The following ZDHHC5 variants were observed in gnomAD, a reference collection of about 807,000 sequenced individuals.
The protein encoded by ZDHHC5 is palmitoyltransferase ZDHHC5.
Under a neutral mutation model 70.0 loss-of-function variants are expected in ZDHHC5, and 22 were observed. The ratio of observed to expected loss-of-function variants is 0.31; its 90% confidence interval spans 0.22 to 0.45. The LOEUF (loss-of-function observed/expected upper bound fraction) is 0.45. ZDHHC5 is among the 20% of genes least tolerant of loss of function. The pLI, the probability that ZDHHC5 is intolerant of heterozygous loss-of-function variation, is 1.00. For synonymous variants in ZDHHC5, 313 were observed against 347.8 expected, an observed-to-expected ratio of 0.90 and a Z score of 1.11; for missense variants, 746 against 926.9, an observed-to-expected ratio of 0.80 and a Z score of 2.53.
chr11:57,692,737 G>T, intron 7 of ZDHHC5, 35 bp downstream of exon 7: 1 of 1,609,184 alleles, frequency 6.2e-7, no homozygotes, highest in Non-Finnish European at 8.5e-7. Flanking sequence ...GTTTACCATT[G>T]GTCAGAACTT....
At chr11:57,684,282 A>G (rs1946184013) in intron 3 of ZDHHC5, among the ~76,000 whole-genome samples, 2 of 152,060 alleles carry the variant, frequency 1.3e-5, no homozygotes, top group Admixed American at 1.3e-4. Context: ...GCCCAAAATT[A>G]CTCTTTTAAG....
chr11:57,668,521 C>T (rs1945955678), intron 1 of ZDHHC5: 3 of 152,396 alleles, frequency 2.0e-5, no homozygotes, highest in Admixed American at 2.0e-4. Context: ...GCAGCCCGCT[C>T]TCTCAACCTC....
chr11:57,679,146 TTTTA>T (rs1946113890), intron 2 of ZDHHC5, among the ~76,000 whole-genome samples: 1 of 152,090 alleles, frequency 6.6e-6, no homozygotes, highest in Non-Finnish European at 1.5e-5. Flanking sequence ...TTTTATTTAT[TTTTA>T]TTTTTTATTT....
At chr11:57,676,373 T>C (rs746058935) in intron 2 of ZDHHC5, among the ~76,000 whole-genome samples, 2 of 152,212 alleles carry the variant, frequency 1.3e-5, no homozygotes, top group Non-Finnish European at 2.9e-5. Flanking sequence ...GGAGAGTGTC[T>C]GCTGAAGTAA....
intron 3 of ZDHHC5, among the ~76,000 whole-genome samples, chr11:57,683,569 C>T (rs1455962872): frequency 6.6e-6 from 1 of 152,134 alleles, no homozygotes; most frequent in East Asian, 1.9e-4. Flanking sequence ...GGAGGGAAGA[C>T]AGAAAATAAA....
At chr11:57,686,997 A>G (rs1946216029) in intron 3 of ZDHHC5, among the ~76,000 whole-genome samples, 1 of 151,774 alleles carries the variant, frequency 6.6e-6, no homozygotes. Context: ...CCCCTGGTTA[A>G]TTTTTATATT....
chr11:57,692,504 C>T (rs1334784752), intron 6 of ZDHHC5, 107 bp from the exon 7 acceptor site: 1 of 872,730 alleles, frequency 1.1e-6, no homozygotes, highest in Non-Finnish European at 1.8e-6. Flanking sequence ...TACTCATTTG[C>T]ATAGCCCTCA....
chr11:57,677,606 A>G (rs1353651722), intron 2 of ZDHHC5, among the ~76,000 whole-genome samples: 1 of 152,082 alleles, frequency 6.6e-6, no homozygotes, highest in Non-Finnish European at 1.5e-5. Context: ...GATCTAAGGG[A>G]AGGATAAAGT....
intron 6 of ZDHHC5, 22 bp downstream of exon 6, chr11:57,690,459 G>T: frequency 6.2e-7 from 1 of 1,612,596 alleles, no homozygotes; most frequent in Non-Finnish European, 8.5e-7. Context: ...AGTGACGAGA[G>T]ACCCCTGAAG....
Position 57,672,902 on chromosome 11 carries a change from C to T in ZDHHC5, c.-189C>T. On this transcript the variant is annotated 5_prime_UTR_variant, in exon 2 of 12. Transcript: ENST00000287169. ...GAATCACCTTTCCCCCTCCCATGTG[C>T]TTTCCTTCATTTGAGATCTTTTGAC... 4.5e-6 allele frequency: 2 copies of T among 446,612 alleles called. No homozygotes were observed. The highest frequency in any genetic ancestry group is 2.3e-5 in the South Asian group (1 of 44,050). 27.7% of individuals were successfully genotyped at this position (446,612 alleles called of 1,614,324 possible).
Position 57,687,756 on chromosome 11 carries a change from G to GTTTTTTTTTTT in ZDHHC5, c.227-736_227-726dup, listed in dbSNP as rs746146074. ...GAGTAGGGGAAGACATTTTGGGAAA[G>GTTTTTTTTTTT]TTTTTTTTTTTTTTTTTTTTTTTTT... On this transcript the variant is annotated intron_variant, in intron 3 of 11. Coordinates refer to ENST00000287169, the MANE Select transcript of ZDHHC5 (RefSeq NM_015457.3). Among the ~76,000 whole-genome samples, 22 of 75,290 alleles carry GTTTTTTTTTTT rather than the reference G, an allele frequency of 2.9e-4. 1 individual carries two copies. The highest frequency in any genetic ancestry group is 7.3e-4 in the African/African-American group (14 of 19,088). The allele number at this position is 75,290 out of a possible 152,430, so 49.4% of individuals were successfully genotyped here.
At chr11:57,676,712 G>T (rs535541116) in intron 2 of ZDHHC5, among the ~76,000 whole-genome samples, 1 of 151,754 alleles carries the variant, frequency 6.6e-6, no homozygotes, top group South Asian at 2.1e-4. Flanking sequence ...GCATATAGAG[G>T]CCCAGCCCCT....
chr11:57,688,763 G>T (rs1946244041), intron 4 of ZDHHC5, 98 bp downstream of exon 4: 2 of 1,344,756 alleles, frequency 1.5e-6, no homozygotes, highest in Non-Finnish European at 2.0e-6. Context: ...GTATAGTCCT[G>T]TCTAACTACG....
chr11:57,678,158 T>C (rs954975559), intron 2 of ZDHHC5, among the ~76,000 whole-genome samples: 8 of 152,188 alleles, frequency 5.3e-5, no homozygotes, highest in Admixed American at 5.2e-4. Context: ...GAGCTTAGTG[T>C]CTCTGTTTTA....
chr11:57,677,134 G>T (rs1457869891), intron 2 of ZDHHC5, among the ~76,000 whole-genome samples: 1 of 151,216 alleles, frequency 6.6e-6, no homozygotes, highest in Non-Finnish European at 1.5e-5. Flanking sequence ...TGTTAGCCAG[G>T]ATGGTCGTGA....
In ZDHHC5 at chr11:57,698,712, C is replaced by T. The variant is rs767969934; in HGVS notation, c.1276C>T (p.Arg426Cys). 62 of 1,614,116 alleles carry T rather than the reference C, an allele frequency of 3.8e-5. 1 individual carries two copies. The East Asian group carries it at 1.1e-3, about 28-fold the overall frequency. Reference sequence around the variant, plus strand: ...CTTCGATCCACTATCCAGTGGCTCACGCTCCTCCAGCCTCAAGTCAGCCCA... The same window carrying T: ...CTTCGATCCACTATCCAGTGGCTCATGCTCCTCCAGCCTCAAGTCAGCCCA... ...FHFDPLSSGSRSSSLKSAQGT... is the reference protein window; with the variant it reads ...FHFDPLSSGSCSSSLKSAQGT... The change falls in exon 11 of 12, where the codon CGC becomes TGC. Residue 426 changes from arginine (R) to cysteine (C), a missense_variant. Coordinates refer to ENST00000287169, the MANE Select transcript of ZDHHC5 (RefSeq NM_015457.3).
intron 7 of ZDHHC5, among the ~76,000 whole-genome samples, chr11:57,693,128 G>C (rs1231319219): frequency 6.6e-6 from 1 of 152,110 alleles, no homozygotes; most frequent in Admixed American, 6.5e-5. Context: ...CCAATATGGT[G>C]AAACCCCTTC....
intron 3 of ZDHHC5, among the ~76,000 whole-genome samples, chr11:57,683,947 C>T (rs1424154865): frequency 4.6e-5 from 7 of 150,638 alleles, no homozygotes; most frequent in Non-Finnish European, 7.4e-5. Flanking sequence ...TCAAATTTCC[C>T]ATTTTTTTTG....
Position 57,692,649 on chromosome 11 carries a change from C to T in ZDHHC5, c.699C>T (p.Thr233=), listed in dbSNP as rs774084067. 2 of 1,614,158 alleles carry T rather than the reference C, an allele frequency of 1.2e-6. No homozygotes were observed. Among genetic ancestry groups the T allele is most frequent in the Admixed American group, 1.7e-5 (1 of 60,000 alleles). The change falls in exon 7 of 12, where the codon ACC becomes ACT. Residue 233 remains threonine (T), a synonymous_variant. Coordinates refer to ENST00000287169, the MANE Select transcript of ZDHHC5 (RefSeq NM_015457.3). Reference sequence around the variant, plus strand: ...TCCGGGGAGGTGTGAACCCCTTCACCAATGGCTGCTGTAACAATGTCAGCC... The same window carrying T: ...TCCGGGGAGGTGTGAACCCCTTCACTAATGGCTGCTGTAACAATGTCAGCC... ...GKFRGGVNPF[T]NGCCNNVSRV... is the part of the protein sequence containing the mutation.
Sources: gnomAD v4.1 joint callset for allele counts (sites outside exome capture counted in the v4.1 genomes callset) on GRCh38, gnomAD v4.1.1 for gene constraint, MANE v1.5 for transcripts, NCBI Gene and HGNC (gene_info 2026-07-23, HGNC 2026-07-21) for gene names.